RTL4: variants seen among roughly 807,000 people sequenced by gnomAD.
RTL4 encodes retrotransposon Gag like 4, also known as retrotransposon Gag-like protein 4.
A neutral mutation model predicts 5.3 loss-of-function variants in RTL4; 4 were observed. The observed-to-expected ratio is 0.75, with a 90% CI of 0.37 to 1.72. The LOEUF (loss-of-function observed/expected upper bound fraction) is 1.72, where lower values mean the gene tolerates loss of function less well. Ranked by LOEUF, RTL4 falls within the 40% of genes most tolerant of loss-of-function variation. The pLI is 0.04. For synonymous variants in RTL4, 98 were observed against 87.3 expected (o/e 1.12, Z -0.68); for missense variants, 260 against 227.1 (o/e 1.14, Z -0.93).
At chrX:112,350,085 T>C in the RTL4 span, among the ~76,000 whole-genome samples, 1 of 111,325 alleles carries the variant, frequency 9.0e-6, no homozygotes, top group Non-Finnish European at 1.9e-5. Flanking sequence ...AGTTGTTGAA[T>C]TTTGTCAAAG....
the RTL4 span, among the ~76,000 whole-genome samples, chrX:112,298,124 C>A: frequency 1.8e-5 from 2 of 111,476 alleles, no homozygotes; most frequent in African/African-American, 6.5e-5. Flanking sequence ...CGACTTTAGG[C>A]AAATTATCTC....
chrX:112,350,879 T>G, the RTL4 span, among the ~76,000 whole-genome samples: 1 of 111,670 alleles, frequency 9.0e-6, no homozygotes, highest in Admixed American at 9.5e-5. Flanking sequence ...AGTTCTGCTC[T>G]GATTTTACTT....
chrX:112,167,116 T>A, the RTL4 span, among the ~76,000 whole-genome samples: 1 of 111,942 alleles, frequency 8.9e-6, no homozygotes, highest in Non-Finnish European at 1.9e-5. Context: ...TGAGTTTGCA[T>A]GTGCAAAGGA....
chrX:112,350,819 T>A, the RTL4 span, among the ~76,000 whole-genome samples: 1 of 111,545 alleles, frequency 9.0e-6, no homozygotes, highest in Admixed American at 9.5e-5. Flanking sequence ...AAAAACAAGC[T>A]CCTGGATTCA....
chrX:112,389,055 T>A, the RTL4 span, among the ~76,000 whole-genome samples: 1 of 111,038 alleles, frequency 9.0e-6, no homozygotes, highest in South Asian at 3.8e-4. Context: ...CTGGGCCTTT[T>A]TTTTCCTTTT....
the RTL4 span, among the ~76,000 whole-genome samples, chrX:112,227,970 C>T: frequency 9.0e-6 from 1 of 111,634 alleles, no homozygotes; most frequent in African/African-American, 3.3e-5. Context: ...CTCAGAACAG[C>T]TCCCTGAATT....
chrX:112,101,879 ATTAGAG>A, the RTL4 span, among the ~76,000 whole-genome samples: 20 of 110,811 alleles, frequency 1.8e-4, no homozygotes, highest in African/African-American at 5.6e-4. Flanking sequence ...GGAGCTAAAG[ATTAGAG>A]TTATGCTGAC....
At chrX:112,157,116 G>A in the RTL4 span, among the ~76,000 whole-genome samples, 170 of 107,655 alleles carry the variant, frequency 1.6e-3, 1 homozygote, top group South Asian at 2.5e-3. Context: ...GTGTTTTAGC[G>A]ATTTAATACC....
the RTL4 span, among the ~76,000 whole-genome samples, chrX:112,192,010 A>G: frequency 9.3e-6 from 1 of 107,957 alleles, no homozygotes; most frequent in Non-Finnish European, 1.9e-5. Context: ...TGGTGCTATT[A>G]TAAAGGGAAT....
the RTL4 span, among the ~76,000 whole-genome samples, chrX:112,308,388 T>C: frequency 9.0e-6 from 1 of 111,430 alleles, no homozygotes; most frequent in Non-Finnish European, 1.9e-5. Flanking sequence ...GGAAAACACA[T>C]GGCTAACAAT....
At chrX:112,121,913 A>G in the RTL4 span, among the ~76,000 whole-genome samples, 3 of 111,920 alleles carry the variant, frequency 2.7e-5, no homozygotes, top group Non-Finnish European at 3.8e-5. Flanking sequence ...ATAAAATTTA[A>G]CATATATTCA....
chrX:112,089,615 A>C, the RTL4 span, among the ~76,000 whole-genome samples: 2 of 111,487 alleles, frequency 1.8e-5, no homozygotes, highest in East Asian at 5.6e-4. Context: ...ATCCACCTTT[A>C]TGCCATACCA....
chrX:112,367,488 A>G, the RTL4 span, among the ~76,000 whole-genome samples: 2 of 112,154 alleles, frequency 1.8e-5, no homozygotes. Flanking sequence ...TATATTAGAT[A>G]TCTTCTGTTT....
At chrX:112,125,931 C>G in the RTL4 span, among the ~76,000 whole-genome samples, 1 of 111,695 alleles carries the variant, frequency 9.0e-6, no homozygotes, top group Non-Finnish European at 1.9e-5. Context: ...AACTGGGGGT[C>G]TGGAGCTTTT....
the RTL4 span, among the ~76,000 whole-genome samples, chrX:112,398,998 C>T: frequency 8.9e-6 from 1 of 112,095 alleles, no homozygotes; most frequent in Non-Finnish European, 1.9e-5. Context: ...TAATGACAGG[C>T]TATTGAGATT....
chrX:112,159,087 G>T, the RTL4 span, among the ~76,000 whole-genome samples: 2 of 111,960 alleles, frequency 1.8e-5, no homozygotes, highest in Non-Finnish European at 3.8e-5. Flanking sequence ...TTTTAATTTT[G>T]CTATACATTT....
the RTL4 span, among the ~76,000 whole-genome samples, chrX:112,190,814 C>T: frequency 8.9e-6 from 1 of 111,790 alleles, no homozygotes; most frequent in African/African-American, 3.3e-5. Context: ...GAACTCTCAT[C>T]CCCTTTTGAG....
At chrX:112,262,742 C>A in the RTL4 span, among the ~76,000 whole-genome samples, 5 of 110,931 alleles carry the variant, frequency 4.5e-5, no homozygotes, top group Admixed American at 2.9e-4. Flanking sequence ...GACACATGCA[C>A]GTGTATGTTT....
chrX:112,184,594 A>G, the RTL4 span, among the ~76,000 whole-genome samples: 14 of 112,299 alleles, frequency 1.2e-4, no homozygotes, highest in Middle Eastern at 4.6e-3. Flanking sequence ...AAAAGTATTC[A>G]TCATTCTCTT....
Sources: allele counts gnomAD v4.1 joint callset (sites outside exome capture counted in the v4.1 genomes callset), GRCh38; gene constraint gnomAD v4.1.1; transcripts MANE v1.5; gene names NCBI Gene and HGNC (gene_info 2026-07-23, HGNC 2026-07-21).